Variants in TTC27 observed in about 807,000 individuals in gnomAD.
The protein encoded by TTC27 is tetratricopeptide repeat domain 27.
Under a neutral mutation model 115.9 loss-of-function variants are expected in TTC27, and 79 were observed. The ratio of observed to expected loss-of-function variants is 0.68; its 90% CI spans 0.57 to 0.82. TTC27 has a LOEUF of 0.82. TTC27 is among the 40% of genes least tolerant of loss of function. The pLI is 0.00. For missense variants in TTC27, 1,054 were observed against 993.1 expected, an observed-to-expected ratio of 1.06 and a Z score of -0.82; for synonymous variants, 401 against 356.0, an observed-to-expected ratio of 1.13 and a Z score of -1.42.
chr2:32,666,294 T>C (rs1457567554), intron 6 of TTC27, among the ~76,000 whole-genome samples: 1 of 152,172 alleles, frequency 6.6e-6, no homozygotes, highest in Non-Finnish European at 1.5e-5. Context: ...TTTAGAACTT[T>C]TGTTTCTGTC....
In TTC27 at chr2:32,664,353, A is replaced by C. The variant is rs772022576; in HGVS notation, c.691A>C (p.Ile231Leu). Reference sequence around the variant, plus strand: ...AGATGATTCAGGTCGATATTTGGCTATTCAATTCCATCTGGAATGTGCATA... The same window carrying C: ...AGATGATTCAGGTCGATATTTGGCTCTTCAATTCCATCTGGAATGTGCATA... ...FVDDSGRYLA[I>L]QFHLECAYVF... Residue 231 changes from isoleucine (I) to leucine (L), a missense_variant, in exon 6 of 20, where the codon ATT becomes CTT. Physicochemically the swap from Ile to Leu is conservative, Grantham distance 5. Transcript: ENST00000317907. 31 of 1,611,558 alleles carry C rather than the reference A, an allele frequency of 1.9e-5. No individual in the cohort carries two copies. The highest frequency in any genetic ancestry group is 2.1e-5 in the Non-Finnish European group (25 of 1,178,908).
intron 2 of TTC27, among the ~76,000 whole-genome samples, chr2:32,631,101 T>A (rs1383832679): frequency 1.3e-5 from 2 of 152,106 alleles, no homozygotes; most frequent in Non-Finnish European, 2.9e-5. Context: ...GTCAGGAGTT[T>A]AAGACCAGCC....
At chr2:32,779,222 C>A (rs76977795) in intron 14 of TTC27, among the ~76,000 whole-genome samples, 2 of 146,678 alleles carry the variant, frequency 1.4e-5, no homozygotes, top group African/African-American at 2.5e-5. Context: ...GATTCTGTCT[C>A]AAAAAAAAAA....
chr2:32,744,037 A>G (rs562368023), intron 12 of TTC27, among the ~76,000 whole-genome samples: 1 of 152,360 alleles, frequency 6.6e-6, no homozygotes, highest in Non-Finnish European at 1.5e-5. Context: ...AGAATATTCC[A>G]AAGATGACTA....
chr2:32,696,203 A>G (rs972761239), intron 9 of TTC27, among the ~76,000 whole-genome samples: 3 of 151,820 alleles, frequency 2.0e-5, no homozygotes, highest in African/African-American at 7.2e-5. Flanking sequence ...TGTGTTGTGT[A>G]TATCAGAATG....
At chr2:32,724,229 A>C (rs1384612847) in intron 10 of TTC27, among the ~76,000 whole-genome samples, 2 of 152,172 alleles carry the variant, frequency 1.3e-5, no homozygotes, top group Non-Finnish European at 2.9e-5. Flanking sequence ...ATCCTAAGGC[A>C]GCAGTTATCA....
chr2:32,818,005 C>T (rs576196276), intron 19 of TTC27, among the ~76,000 whole-genome samples: 5 of 151,504 alleles, frequency 3.3e-5, no homozygotes, highest in East Asian at 1.9e-4. Context: ...TGCAGTGAGC[C>T]GAAATTGCAC....
intron 9 of TTC27, among the ~76,000 whole-genome samples, chr2:32,682,926 T>C (rs1181776526): frequency 2.2e-5 from 3 of 138,578 alleles, no homozygotes; most frequent in African/African-American, 7.9e-5. Context: ...CGATCTCGGC[T>C]CACTGCAAGC....
chr2:32,773,216 A>G (rs749693569), intron 13 of TTC27, among the ~76,000 whole-genome samples: 2 of 152,200 alleles, frequency 1.3e-5, no homozygotes, highest in Non-Finnish European at 2.9e-5. Context: ...TATTGGCTGC[A>G]TACAGCCAGC....
At chr2:32,783,505 T>G (rs764977049) in intron 15 of TTC27, among the ~76,000 whole-genome samples, 5 of 152,258 alleles carry the variant, frequency 3.3e-5, no homozygotes, top group Non-Finnish European at 5.9e-5. Context: ...TTGCTGCATC[T>G]TCTGATTATT....
At chr2:32,809,718 G>A (rs1264129751) in intron 16 of TTC27, among the ~76,000 whole-genome samples, 1 of 152,202 alleles carries the variant, frequency 6.6e-6, no homozygotes, top group Non-Finnish European at 1.5e-5. Context: ...TATGACAGAT[G>A]TGCCTTTTTA....
At position 32,630,507 on chromosome 2, in the gene TTC27, A is replaced by G. The variant is rs761401194; in HGVS notation, c.89-16A>G. 4.5e-6 allele frequency: 7 copies of G among 1,572,180 alleles called. No homozygotes were observed. The highest frequency in any genetic ancestry group is 4.3e-6 in the Non-Finnish European group (5 of 1,162,882). On this transcript the variant is annotated splice_polypyrimidine_tract_variant and intron_variant, in intron 1 of 19. Coordinates refer to ENST00000317907, the MANE Select transcript of TTC27 (RefSeq NM_017735.5). The stretch of plus-strand genomic sequence containing the variant: ...TAATTTTTTTTGGATTACCGCACTA[A>G]TTTTTTATATTACAGAGAGTGGATC...
At chr2:32,723,728 C>CTCCCTCCCTCCGTCCGTCCTTCCT (rs1454826952) in intron 10 of TTC27, among the ~76,000 whole-genome samples, 5 of 29,514 alleles carry the variant, frequency 1.7e-4, no homozygotes, top group African/African-American at 6.9e-4. Flanking sequence ...CCCTCCCTCC[C>CTCCCTCCCTCCGTCCGTCCTTCCT]TCCTTCCTTC....
At chr2:32,787,961 T>C (rs1343042083) in intron 16 of TTC27, among the ~76,000 whole-genome samples, 1 of 152,198 alleles carries the variant, frequency 6.6e-6, no homozygotes, top group African/African-American at 2.4e-5. Flanking sequence ...CTGTTAACAC[T>C]GCTGAAATTT....
intron 9 of TTC27, among the ~76,000 whole-genome samples, chr2:32,689,077 GAC>G (rs1405141131): frequency 6.6e-6 from 1 of 152,076 alleles, no homozygotes; most frequent in Non-Finnish European, 1.5e-5. Context: ...ATGAATCTCA[GAC>G]ACATTATTGT....
chr2:32,814,471 T>C (rs1372287188), intron 18 of TTC27, among the ~76,000 whole-genome samples: 1 of 152,212 alleles, frequency 6.6e-6, no homozygotes, highest in Non-Finnish European at 1.5e-5. Flanking sequence ...ATCATTTCCT[T>C]GTTACTTTTG....
At chr2:32,769,054 G>A (rs1463534212) in intron 13 of TTC27, among the ~76,000 whole-genome samples, 2 of 152,138 alleles carry the variant, frequency 1.3e-5, no homozygotes, top group Non-Finnish European at 2.9e-5. Flanking sequence ...GCATGCAGAT[G>A]GGGCTTTTCT....
At position 32,820,948 on chromosome 2, in the gene TTC27, A is replaced by G; in HGVS notation, c.*10A>G. 8.0e-7 allele frequency: 1 copy of G among 1,251,444 alleles called. No individual in the cohort carries two copies. Among genetic ancestry groups the G allele is most frequent in the Non-Finnish European group, 1.0e-6 (1 of 957,506 alleles). The allele number at this position is 1,251,444 out of a possible 1,614,324, so 77.5% of individuals were successfully genotyped here. A position where few individuals can be genotyped will look rare whatever the true frequency, so the allele number is the denominator to read the frequency against. ...TCGAAATCAGTATTGATTCTGCTGG[A>G]AGCAGATTCTGGAAAAGGTGCTTTC... On this transcript the variant is annotated 3_prime_UTR_variant, in exon 20 of 20. Coordinates refer to ENST00000317907, the MANE Select transcript of TTC27 (RefSeq NM_017735.5).
At chr2:32,643,808 G>T (rs1664744101) in intron 4 of TTC27, among the ~76,000 whole-genome samples, 3 of 151,964 alleles carry the variant, frequency 2.0e-5, no homozygotes, top group Non-Finnish European at 4.4e-5. Flanking sequence ...GCCAAGGCTG[G>T]CGGATCACCT....
Sources: gnomAD v4.1 joint callset for allele counts (sites outside exome capture counted in the v4.1 genomes callset) on GRCh38, gnomAD v4.1.1 for gene constraint, MANE v1.5 for transcripts, NCBI Gene and HGNC (gene_info 2026-07-23, HGNC 2026-07-21) for gene names.